ABR: variants seen among roughly 807,000 people sequenced by gnomAD.
The protein encoded by ABR is active breakpoint cluster region-related protein.
In ABR, 35 loss-of-function variants were observed where a neutral mutation model predicts 107.2. The ratio of observed to expected loss-of-function variants is 0.33; its 90% CI spans 0.25 to 0.43. The LOEUF is 0.43. ABR is among the 20% of genes least tolerant of loss of function. ABR has a pLI of 1.00. For synonymous variants in ABR, 498 were observed against 462.0 expected (o/e 1.08, Z -1.00); for missense variants, 815 against 1,115.2 (o/e 0.73, Z 3.83).
At chr17:1,061,810 G>C (rs1372621798) in intron 10 of ABR, among the ~76,000 whole-genome samples, 1 of 152,176 alleles carries the variant, frequency 6.6e-6, no homozygotes, top group African/African-American at 2.4e-5. Context: ...GCCTCCCAAA[G>C]TACTGGGATT....
chr17:1,059,522 G>T (rs1205121526), intron 10 of ABR, among the ~76,000 whole-genome samples: 5 of 149,592 alleles, frequency 3.3e-5, no homozygotes, highest in Non-Finnish European at 7.4e-5. Context: ...ACACCTTTCA[G>T]CCTGAAGCCC....
intron 21 of ABR, among the ~76,000 whole-genome samples, chr17:1,008,659 TC>T (rs2070260524): frequency 6.6e-6 from 1 of 152,208 alleles, no homozygotes; most frequent in Non-Finnish European, 1.5e-5. Flanking sequence ...CGTCCAGGTC[TC>T]CACTGGCTCT....
In ABR at chr17:1,221,094, G is replaced by A. The variant is rs1003241084; in HGVS notation, c.838+7699C>T. On this transcript the variant is annotated intron_variant, in intron 1 of 22. Transcript: ENST00000574139. ...CGCTCTAAGAACCGCAAGATGGGTT[G>A]GAGTCGTTGGAAAAGGCTGTGCCAG... 8.5e-5 allele frequency among the ~76,000 whole-genome samples: 13 copies of A among 152,292 alleles called. No homozygotes were observed. The South Asian group carries it at 1.4e-3, about 17-fold the overall frequency.
intron 2 of ABR, among the ~76,000 whole-genome samples, chr17:1,109,629 G>A (rs1234463865): frequency 1.3e-5 from 2 of 152,020 alleles, no homozygotes; most frequent in Non-Finnish European, 1.5e-5. Flanking sequence ...GGCGAGCAGG[G>A]GCGACCCCCA....
chr17:1,138,490 T>C (rs950849716), intron 1 of ABR, among the ~76,000 whole-genome samples: 57 of 152,254 alleles, frequency 3.7e-4, no homozygotes, highest in African/African-American at 1.4e-3. Context: ...TTTTTTGTTT[T>C]TTTTAGAGAC....
intron 1 of ABR, among the ~76,000 whole-genome samples, chr17:1,127,043 G>A (rs1036742248): frequency 3.3e-5 from 5 of 152,220 alleles, no homozygotes; most frequent in African/African-American, 4.8e-5. Context: ...TCACCGGGAC[G>A]CCTGGCCGTG....
intron 3 of ABR, among the ~76,000 whole-genome samples, chr17:1,096,506 T>C (rs2037436599): frequency 6.6e-6 from 1 of 151,830 alleles, no homozygotes. Flanking sequence ...GGAGGAAGGG[T>C]GTGATTCTTT....
intron 1 of ABR, among the ~76,000 whole-genome samples, chr17:1,213,835 G>A (rs1324180957): frequency 6.6e-6 from 1 of 152,212 alleles, no homozygotes; most frequent in Non-Finnish European, 1.5e-5. Context: ...CGACAAAACT[G>A]TGAAAACAAG....
At chr17:1,203,821 G>T (rs2042734899) in intron 1 of ABR, among the ~76,000 whole-genome samples, 1 of 152,126 alleles carries the variant, frequency 6.6e-6, no homozygotes, top group African/African-American at 2.4e-5. Flanking sequence ...CGAGAGACCC[G>T]CCAGGGGGTG....
chr17:1,095,998 G>A, intron 3 of ABR, among the ~76,000 whole-genome samples: 1 of 152,208 alleles, frequency 6.6e-6, no homozygotes, highest in East Asian at 1.9e-4. Context: ...GGGGCTCTGG[G>A]GAGTGGCCTC....
chr17:1,082,758 G>C (rs1390122926), intron 5 of ABR, among the ~76,000 whole-genome samples: 2 of 152,156 alleles, frequency 1.3e-5, no homozygotes, highest in Non-Finnish European at 1.5e-5. Context: ...AAAGCCTTCT[G>C]AATCAGAAGC....
rs1018319627 is a variant in ABR at position 1,050,862 on chromosome 17, T to C, written c.1562-228A>G. Reference sequence around the variant, plus strand: ...GGCTCACCCCACACTCTGCCCTTCCTACCTCAGCCCTCCCCACACTCTGCC... The same window carrying C: ...GGCTCACCCCACACTCTGCCCTTCCCACCTCAGCCCTCCCCACACTCTGCC... On this transcript the variant is annotated intron_variant, in intron 14 of 22. Transcript: ENST00000302538. The surrounding 1 kb of genome is among the most constrained non-coding windows in gnomAD (Gnocchi z 4.6). 3.5e-5 allele frequency among the ~76,000 whole-genome samples: 5 copies of C among 144,920 alleles called. No homozygotes were observed. The highest frequency in any genetic ancestry group is 2.0e-4 in the Admixed American group (3 of 14,740).
Position 1,146,795 on chromosome 17 carries a change from T to G in ABR, c.62-21428A>C, listed in dbSNP as rs117806433. On this transcript the variant is annotated intron_variant, in intron 1 of 22. Coordinates refer to ENST00000302538, the MANE Select transcript of ABR (RefSeq NM_021962.5). ...TGCCACCAGGCCACCACTGCCACCA[T>G]GCCACCACTGCCACCAGGCCACCAC... Among the ~76,000 whole-genome samples, 356 of 56,372 alleles carry G rather than the reference T, an allele frequency of 6.3e-3. 4 individuals are homozygous for G. The highest frequency in any genetic ancestry group is 0.031 in the Middle Eastern group (3 of 98). The allele number at this position is 56,372 out of a possible 152,430, so 37.0% of individuals were successfully genotyped here. A position where few individuals can be genotyped will look rare whatever the true frequency, so the allele number is the denominator to read the frequency against.
rs2041184481 is a variant in ABR, at chr17:1,159,446, ACTCACACACAAGG to A, written c.61+20208_61+20220del. On this transcript the variant is annotated intron_variant, in intron 1 of 22. Transcript: ENST00000302538. ...CACACGGGAGAGGTAAGAATGCGGT[ACTCACACACAAGG>A]GAAGTAAGAATGCAGTACTCACGCA... Among the ~76,000 whole-genome samples, 3 of 89,528 alleles carry A rather than the reference ACTCACACACAAGG, an allele frequency of 3.4e-5. 1 individual carries two copies. The highest frequency in any genetic ancestry group is 8.3e-5 in the African/African-American group (2 of 24,086). 58.7% of individuals were successfully genotyped at this position (89,528 alleles called of 152,430 possible). A position where few individuals can be genotyped will look rare whatever the true frequency, so the allele number is the denominator to read the frequency against.
Position 1,083,508 on chromosome 17 carries a change from G to A in ABR, c.639+12C>T. On this transcript the variant is annotated intron_variant, in intron 5 of 22. Transcript: ENST00000302538. ...CTTGTCCCTCAGGGTGGCTATGTGG[G>A]GAGCGGCCTACCTCTGAGATCTTCT... 1 of 1,583,748 alleles carries A rather than the reference G, an allele frequency of 6.3e-7. No individual in the cohort carries two copies. Among genetic ancestry groups the A allele is most frequent in the Non-Finnish European group, 8.6e-7 (1 of 1,159,868 alleles).
intron 14 of ABR, among the ~76,000 whole-genome samples, chr17:1,052,081 A>C (rs2032613933): frequency 6.6e-6 from 1 of 151,856 alleles, no homozygotes; most frequent in African/African-American, 2.4e-5. Context: ...CAAAAAAAAA[A>C]AAACCAAAAA....
At chr17:1,176,723 C>T in intron 1 of ABR, among the ~76,000 whole-genome samples, 1 of 151,906 alleles carries the variant, frequency 6.6e-6, no homozygotes, top group Non-Finnish European at 1.5e-5. Context: ...GGCAGGCGCC[C>T]ATAATCCCAG....
At chr17:1,173,618 G>A (rs532663500) in intron 1 of ABR, among the ~76,000 whole-genome samples, 1 of 152,188 alleles carries the variant, frequency 6.6e-6, no homozygotes, top group South Asian at 2.1e-4. Flanking sequence ...AGCCGGAAAC[G>A]CATGGACGGG....
At chr17:1,089,718 G>A (rs1025572299) in intron 4 of ABR, among the ~76,000 whole-genome samples, 2 of 152,214 alleles carry the variant, frequency 1.3e-5, no homozygotes, top group Non-Finnish European at 2.9e-5. Flanking sequence ...CCAGCACTTC[G>A]GGAGGCCGAG....
Sources: allele counts gnomAD v4.1 joint callset (sites outside exome capture counted in the v4.1 genomes callset), GRCh38; gene constraint gnomAD v4.1.1; non-coding constraint Gnocchi (gnomAD v3.1); transcripts MANE v1.5; gene names NCBI Gene and HGNC (gene_info 2026-07-23, HGNC 2026-07-21).